The following TAF6 variants were observed in gnomAD, a reference collection of about 807,000 sequenced individuals.
TAF6 encodes transcription initiation factor TFIID subunit 6.
A neutral mutation model predicts 73.5 loss-of-function variants in TAF6; 50 were observed. That is an observed-to-expected ratio of 0.68 (90% CI 0.54 to 0.86). TAF6 has a LOEUF of 0.86. TAF6 is among the 40% of genes least tolerant of loss of function. The pLI, the probability that TAF6 is intolerant of heterozygous loss-of-function variation, is 0.00. For synonymous variants in TAF6, 424 were observed against 376.7 expected (o/e 1.13, Z -1.45); for missense variants, 768 against 899.5 (o/e 0.85, Z 1.87).
At chr7:100,113,282 CAAAA>C in intron 5 of TAF6, 63 bp downstream of exon 5, 1 of 1,190,790 alleles carries the variant, frequency 8.4e-7, no homozygotes, top group Non-Finnish European at 1.1e-6. Context: ...GACTCTGTCT[CAAAA>C]AAAAAAGGTG....
At chr7:100,124,201 T>C (rs1798155156), upstream of TAF6, among the ~76,000 whole-genome samples, 1 of 151,836 alleles carries the variant, frequency 6.6e-6, no homozygotes, top group Non-Finnish European at 1.5e-5. Context: ...GCACCTACTG[T>C]GTCCCAGACT....
chr7:100,108,785 C>G (rs1387535024), intron 12 of TAF6: 5 of 366,958 alleles, frequency 1.4e-5, no homozygotes, highest in Non-Finnish European at 2.5e-5. Context: ...GCCTGTATCC[C>G]AGCACTTGGG....
At chr7:100,117,425 C>T (rs552189731) in intron 1 of TAF6, among the ~76,000 whole-genome samples, 13 of 151,914 alleles carry the variant, frequency 8.6e-5, no homozygotes, top group Admixed American at 2.0e-4. Flanking sequence ...GCATGCGCCA[C>T]CACACCTGGC....
In TAF6 at chr7:100,119,308, G is replaced by T. The variant is rs1045601165; in HGVS notation, c.-164C>A. 98 of 1,024,866 alleles carry T rather than the reference G, an allele frequency of 9.6e-5. No individual in the cohort carries two copies. Among genetic ancestry groups the T allele is most frequent in the Non-Finnish European group, 1.1e-4 (92 of 852,024 alleles). The allele number at this position is 1,024,866 out of a possible 1,614,324, so 63.5% of individuals were successfully genotyped here. A position where few individuals can be genotyped will look rare whatever the true frequency, so the allele number is the denominator to read the frequency against. On this transcript the variant is annotated 5_prime_UTR_variant, in exon 1 of 15. Transcript: ENST00000453269. ...GCGCGGGGAGCAGGAAAACTCTAGC[G>T]GCAGCCGAGACGCTGCTCACCCGGC...
chr7:100,118,855 G>C (rs757916985), intron 1 of TAF6: 4 of 985,304 alleles, frequency 4.1e-6, no homozygotes, highest in Non-Finnish European at 4.8e-6. Context: ...CTTATCTATA[G>C]GGAACACAAC....
chr7:100,119,257 C>G lies in TAF6; in HGVS notation c.-113G>C. 9.8e-7 allele frequency: 1 copy of G among 1,016,912 alleles called. No individual in the cohort carries two copies. The highest frequency in any genetic ancestry group is 1.2e-6 in the Non-Finnish European group (1 of 848,430). The allele number at this position is 1,016,912 out of a possible 1,614,324, so 63.0% of individuals were successfully genotyped here. ...CTTCAAAGGGTCTCCTCCGGGGTAC[C>G]ACTCAGACCCGCCCCCGCCACCCGA... On this transcript the variant is annotated 5_prime_UTR_variant, in exon 1 of 15. Transcript: ENST00000453269.
rs761760665 is a variant in TAF6 at position 100,107,596 on chromosome 7, C to G, written c.1684G>C (p.Gly562Arg). The change falls in exon 15 of 15, where the codon GGC (glycine) becomes CGC (arginine). Residue 562 changes from glycine (G) to arginine (R), a missense_variant. Gly to Arg is a moderately radical substitution (Grantham distance 125). Around this residue, in one of 5 missense-constraint regions of TAF6, gnomAD observed 350 missense variants for 352.3 expected, o/e 0.99. Transcript: ENST00000453269. ...QVLSLSTSAP[G>R]SGSTTTSPVT... ...GGCGAAGTGGTGGTGGAACCTGAGCCGGGGGCCGAGGTGCTGAGGGACAGG... is the reference window on the plus strand; with the variant it reads ...GGCGAAGTGGTGGTGGAACCTGAGCGGGGGGCCGAGGTGCTGAGGGACAGG... 3.7e-6 allele frequency: 6 copies of G among 1,613,334 alleles called. No homozygotes were observed. Among genetic ancestry groups the G allele is most frequent in the Non-Finnish European group, 5.1e-6 (6 of 1,179,824 alleles).
chr7:100,124,183 C>T (rs1419846347), upstream of TAF6, among the ~76,000 whole-genome samples: 6 of 151,624 alleles, frequency 4.0e-5, no homozygotes, highest in East Asian at 1.9e-4. Flanking sequence ...TCCACCATCA[C>T]TTATTGAGCA....
chr7:100,108,599 G>A (rs1796829850), intron 12 of TAF6, 59 bp from the exon 13 acceptor site: 1 of 1,538,102 alleles, frequency 6.5e-7, no homozygotes. Context: ...CCAGGTAGAG[G>A]GAGGGCTGGT....
chr7:100,113,543 G>A, intron 4 of TAF6, 73 bp downstream of exon 4: 2 of 1,566,794 alleles, frequency 1.3e-6, no homozygotes, highest in East Asian at 2.3e-5. Context: ...CTTCTATTGT[G>A]AGGCTCCTCA....
intron 10 of TAF6, 21 bp downstream of exon 10, chr7:100,111,118 G>C (rs774691538): frequency 6.2e-7 from 1 of 1,608,372 alleles, no homozygotes; most frequent in Admixed American, 1.7e-5. Context: ...AGCAAATGAC[G>C]CTCAAGTTTT....
At chr7:100,126,318 G>A in the TAF6 span, among the ~76,000 whole-genome samples, 7 of 152,196 alleles carry the variant, frequency 4.6e-5, no homozygotes, top group Admixed American at 3.9e-4. Flanking sequence ...CTCTAGCCTG[G>A]GCGACAGAAC....
chr7:100,115,914 T>C (rs1797633124), intron 1 of TAF6, among the ~76,000 whole-genome samples: 1 of 152,010 alleles, frequency 6.6e-6, no homozygotes, highest in Non-Finnish European at 1.5e-5. Flanking sequence ...GAGGTTGCAG[T>C]GAGCCAAGAT....
chr7:100,121,001 C>T (rs1798022886), upstream of TAF6, among the ~76,000 whole-genome samples: 1 of 149,236 alleles, frequency 6.7e-6, no homozygotes, highest in Admixed American at 6.7e-5. Flanking sequence ...ACAGTGCTCA[C>T]TATGTGCCAG....
intron 10 of TAF6, 159 bp from the exon 11 acceptor site, chr7:100,110,433 G>T: frequency 1.5e-6 from 1 of 650,042 alleles, no homozygotes; most frequent in Non-Finnish European, 2.6e-6. Flanking sequence ...TTGGGAGGCC[G>T]AGGCAGGCAG....
At chr7:100,112,952 G>A (rs1306365837) in intron 5 of TAF6, 35 bp from the exon 6 acceptor site, 2 of 1,547,584 alleles carry the variant, frequency 1.3e-6, no homozygotes, top group East Asian at 2.5e-5. Flanking sequence ...GAGGGGTGAT[G>A]AGCATAGTAG....
chr7:100,117,704 T>C (rs1317418502), intron 1 of TAF6, among the ~76,000 whole-genome samples: 1 of 152,142 alleles, frequency 6.6e-6, no homozygotes, highest in Admixed American at 6.5e-5. Flanking sequence ...GGTATCACTA[T>C]TATTAATAGG....
At position 100,110,242 on chromosome 7, in the gene TAF6, AGTC is replaced by A; in HGVS notation, c.1113_1115del (p.Thr372del). ...CCAAGCCTGCGATGGAGCCATAACG[AGTC>A]GTCCAGGGCGTCTTCTCGTCCACCC... On this transcript the variant is annotated inframe_deletion, in exon 11 of 15. Coordinates refer to ENST00000453269, the MANE Select transcript of TAF6 (RefSeq NM_139315.3). The A allele has an allele frequency of 6.2e-7, 1 of 1,614,124 alleles. No individual in the cohort carries two copies. The highest frequency in any genetic ancestry group is 8.5e-7 in the Non-Finnish European group (1 of 1,180,010).
upstream of TAF6, among the ~76,000 whole-genome samples, chr7:100,124,109 C>T (rs1489559364): frequency 1.3e-5 from 2 of 151,446 alleles, no homozygotes. Context: ...TGCAGTCCAG[C>T]CTGGGTGACA....
Sources: gnomAD v4.1 joint callset for allele counts (sites outside exome capture counted in the v4.1 genomes callset) on GRCh38, gnomAD v4.1.1 for gene constraint, gnomAD v4.1.1 regional missense constraint, MANE v1.5 for transcripts, NCBI Gene and HGNC (gene_info 2026-07-23, HGNC 2026-07-21) for gene names.